GULP1: variants seen among roughly 807,000 people sequenced by gnomAD.
The protein encoded by GULP1 is PTB domain-containing engulfment adapter protein 1.
GULP1 carries 19 observed loss-of-function variants against 40.9 expected under a neutral mutation model. The observed-to-expected ratio is 0.46, with a 90% CI of 0.32 to 0.68. The LOEUF is 0.68. Among genes scored for constraint, GULP1 ranks in the 30% least tolerant of loss-of-function variants. The pLI, the probability that GULP1 is intolerant of heterozygous loss-of-function variation, is 0.03. For synonymous variants in GULP1, 119 were observed against 117.6 expected (o/e 1.01, Z -0.08); for missense variants, 312 against 362.2 (o/e 0.86, Z 1.12).
intron 1 of GULP1, among the ~76,000 whole-genome samples, chr2:188,338,860 C>T (rs1574526053): frequency 6.6e-6 from 1 of 152,156 alleles, no homozygotes; most frequent in Admixed American, 6.5e-5. Flanking sequence ...TCCATTTTCA[C>T]CTCTTTGGCT....
intron 7 of GULP1, among the ~76,000 whole-genome samples, chr2:188,561,718 G>T (rs1341869929): frequency 1.3e-5 from 2 of 152,172 alleles, no homozygotes; most frequent in East Asian, 1.9e-4. Flanking sequence ...CCACGCTGAG[G>T]CCCCAGCATT....
chr2:188,431,476 CAG>C (rs898849208), intron 2 of GULP1, among the ~76,000 whole-genome samples: 1 of 151,964 alleles, frequency 6.6e-6, no homozygotes, highest in Non-Finnish European at 1.5e-5. Flanking sequence ...TTAAAAGAAA[CAG>C]ATTATATAGA....
At chr2:188,572,325 C>G (rs1211824022) in intron 9 of GULP1, among the ~76,000 whole-genome samples, 1 of 152,070 alleles carries the variant, frequency 6.6e-6, no homozygotes, top group African/African-American at 2.4e-5. Context: ...AATGAAATAG[C>G]TATGTTTTAA....
chr2:188,579,883 T>C (rs184687624), intron 9 of GULP1, among the ~76,000 whole-genome samples: 1 of 152,186 alleles, frequency 6.6e-6, no homozygotes, highest in African/African-American at 2.4e-5. Flanking sequence ...TTCAGGTACC[T>C]AGTAAAGAAT....
chr2:188,504,022 CT>C (rs1210845323), intron 4 of GULP1, among the ~76,000 whole-genome samples: 1 of 151,802 alleles, frequency 6.6e-6, no homozygotes, highest in African/African-American at 2.4e-5. Flanking sequence ...CTGCCCAATA[CT>C]TTTTTTCCCT....
At chr2:188,504,194 G>T (rs2063698233) in intron 4 of GULP1, among the ~76,000 whole-genome samples, 1 of 151,792 alleles carries the variant, frequency 6.6e-6, no homozygotes, top group South Asian at 2.1e-4. Context: ...ATAACATAGA[G>T]CTAGGAAAGC....
At chr2:188,339,707 G>T (rs768377006) in intron 1 of GULP1, among the ~76,000 whole-genome samples, 2 of 152,152 alleles carry the variant, frequency 1.3e-5, no homozygotes, top group Non-Finnish European at 2.9e-5. Flanking sequence ...ATGGGTACAT[G>T]AAGGTTTACT....
chr2:188,513,758 C>T (rs931849167), intron 4 of GULP1, among the ~76,000 whole-genome samples: 1 of 151,892 alleles, frequency 6.6e-6, no homozygotes, highest in Non-Finnish European at 1.5e-5. Context: ...ACTCTATGGC[C>T]TGATATTTCT....
intron 2 of GULP1, among the ~76,000 whole-genome samples, chr2:188,450,269 G>A (rs911288286): frequency 6.6e-6 from 1 of 152,026 alleles, no homozygotes; most frequent in Non-Finnish European, 1.5e-5. Flanking sequence ...GTTTACATTT[G>A]TTTGTTGTCT....
At chr2:188,445,476 T>C (rs1271464666) in intron 2 of GULP1, among the ~76,000 whole-genome samples, 1 of 152,136 alleles carries the variant, frequency 6.6e-6, no homozygotes, top group Non-Finnish European at 1.5e-5. Flanking sequence ...AATCAATAGC[T>C]TTGATAAAAA....
intron 1 of GULP1, among the ~76,000 whole-genome samples, chr2:188,358,026 A>G (rs1456904803): frequency 6.6e-6 from 1 of 152,104 alleles, no homozygotes; most frequent in African/African-American, 2.4e-5. Flanking sequence ...TAAAAAAAAT[A>G]AAAAATTAGT....
intron 2 of GULP1, among the ~76,000 whole-genome samples, chr2:188,399,527 C>G (rs1269438664): frequency 2.0e-5 from 3 of 151,570 alleles, no homozygotes; most frequent in Non-Finnish European, 2.9e-5. Context: ...CAATAGATAC[C>G]TCCTAAAACT....
chr2:188,308,670 G>T (rs1574290370), intron 1 of GULP1, among the ~76,000 whole-genome samples: 1 of 152,280 alleles, frequency 6.6e-6, no homozygotes, highest in Admixed American at 6.5e-5. Context: ...TTACTGAGGT[G>T]CAGATAGACC....
chr2:188,486,409 A>C lies in GULP1; in HGVS notation c.90+2917A>C, dbSNP rs117795107. Among the ~76,000 whole-genome samples, 8 of 152,144 alleles carry C rather than the reference A, an allele frequency of 5.3e-5. No homozygotes were observed. The East Asian group carries it at 1.5e-3, about 29-fold the overall frequency. ...GGCTAAAAGAGAGACTCATCATACC[A>C]TTAAAAGATTCCTACTACTTCACTC... On this transcript the variant is annotated intron_variant, in intron 4 of 11. Transcript: ENST00000409830.
chr2:188,546,042 T>C (rs937880303), intron 7 of GULP1, among the ~76,000 whole-genome samples: 1 of 151,950 alleles, frequency 6.6e-6, no homozygotes, highest in Non-Finnish European at 1.5e-5. Flanking sequence ...ATGGTAATCC[T>C]AACTGTGTAT....
chr2:188,503,598 C>G (rs1434771953), intron 4 of GULP1, among the ~76,000 whole-genome samples: 1 of 151,878 alleles, frequency 6.6e-6, no homozygotes, highest in African/African-American at 2.4e-5. Flanking sequence ...AGAACCAAAC[C>G]ATATTAGTTA....
At chr2:188,558,303 A>T (rs1020770358) in intron 7 of GULP1, among the ~76,000 whole-genome samples, 10 of 152,186 alleles carry the variant, frequency 6.6e-5, no homozygotes, top group African/African-American at 2.4e-4. Flanking sequence ...ATGGTAGTGA[A>T]TAAGTCTCAT....
intron 1 of GULP1, among the ~76,000 whole-genome samples, chr2:188,324,191 A>G (rs2040426073): frequency 1.3e-5 from 2 of 152,106 alleles, no homozygotes; most frequent in Admixed American, 1.3e-4. Context: ...CAGAACCCTC[A>G]TGCTACTCAT....
chr2:188,460,894 G>T (rs1373203659), intron 2 of GULP1, among the ~76,000 whole-genome samples: 1 of 152,116 alleles, frequency 6.6e-6, no homozygotes, highest in Non-Finnish European at 1.5e-5. Flanking sequence ...TGCAATGATT[G>T]TATGGTTTTT....
Sources: gnomAD v4.1 joint callset for allele counts (sites outside exome capture counted in the v4.1 genomes callset) on GRCh38, gnomAD v4.1.1 for gene constraint, MANE v1.5 for transcripts, NCBI Gene and HGNC (gene_info 2026-07-23, HGNC 2026-07-21) for gene names.